BPIFB2: variants seen among roughly 807,000 people sequenced by gnomAD.
BPIFB2 encodes BPI fold-containing family B member 2.
BPIFB2 carries 39 observed loss-of-function variants against 50.1 expected under a neutral mutation model. That is an observed-to-expected ratio of 0.78 (90% CI 0.60 to 1.02). The LOEUF (loss-of-function observed/expected upper bound fraction) is 1.02. BPIFB2 is among the 50% of genes least tolerant of loss of function. The probability of loss-of-function intolerance (pLI) is 0.00; values close to 1 mark genes in which losing one functional copy is unlikely to be tolerated. For missense variants in BPIFB2, 574 were observed against 585.8 expected (o/e 0.98, Z 0.21); for synonymous variants, 280 against 256.3 (o/e 1.09, Z -0.88).
chr20:33,023,574 C>CTCCTCTT lies in BPIFB2; in HGVS notation c.*191_*192insTCCTCTT. 1 of 659,722 alleles carries CTCCTCTT rather than the reference C, an allele frequency of 1.5e-6. No individual in the cohort carries two copies. Among genetic ancestry groups the CTCCTCTT allele is most frequent in the South Asian group, 1.8e-5 (1 of 55,920 alleles). 40.9% of individuals were successfully genotyped at this position (659,722 alleles called of 1,614,324 possible). ...CCTCACTTCTGCCCTTTCCCTTCCT[C>CTCCTCTT]CTCCTCTTCTCCTCCCTCTTCCCTC... On this transcript the variant is annotated 3_prime_UTR_variant, in exon 16 of 16. Transcript: ENST00000170150.
chr20:33,018,347 CAA>C lies in BPIFB2; in HGVS notation c.667_668del (p.Asn223CysfsTer42). 6.2e-7 allele frequency: 1 copy of C among 1,612,110 alleles called. No homozygotes were observed. The highest frequency in any genetic ancestry group is 8.5e-7 in the Non-Finnish European group (1 of 1,178,222). On this transcript the variant is annotated frameshift_variant and splice_region_variant, in exon 8 of 16. Transcript: ENST00000170150. LOFTEE classifies it high-confidence loss of function. ...VTSDYISLEV[N>X]AVLFLLGKPI... ...CCAGTGACTACATTTCCCTGGAAGT[CAA>C]TGTAAGTGCCTCCTGGCCAGCCCAG...
At chr20:33,021,868 C>T in intron 15 of BPIFB2, 69 bp downstream of exon 15, 1 of 1,463,464 alleles carries the variant, frequency 6.8e-7, no homozygotes, top group Non-Finnish European at 9.6e-7. Flanking sequence ...TGGGGGTCAC[C>T]TCTCTCCCTC....
chr20:33,020,730 A>AAG, intron 13 of BPIFB2, 143 bp downstream of exon 13: 3 of 945,834 alleles, frequency 3.2e-6, no homozygotes, highest in Non-Finnish European at 4.6e-6. Flanking sequence ...CTGCTTGGGG[A>AAG]CAGTGGCCAG....
chr20:33,020,438 CT>C (rs748432981), intron 12 of BPIFB2, 43 bp downstream of exon 12: 14 of 1,609,634 alleles, frequency 8.7e-6, no homozygotes, highest in Non-Finnish European at 1.1e-5. Context: ...GTGTGTTCTT[CT>C]GTGCCATGGG....
chr20:33,019,410 G>A (rs1358608469), intron 10 of BPIFB2, among the ~76,000 whole-genome samples, 170 bp from the exon 11 acceptor site: 1 of 152,090 alleles, frequency 6.6e-6, no homozygotes, highest in Non-Finnish European at 1.5e-5. Context: ...CAACCCCCTC[G>A]TCTTGTCCAG....
chr20:33,020,238 G>C, intron 11 of BPIFB2, 90 bp from the exon 12 acceptor site: 1 of 1,296,230 alleles, frequency 7.7e-7, no homozygotes, highest in South Asian at 1.3e-5. Context: ...CCTGCTGCCT[G>C]AATGAGTCGG....
intron 10 of BPIFB2, among the ~76,000 whole-genome samples, 159 bp from the exon 11 acceptor site, chr20:33,019,421 C>T (rs1049606128): frequency 1.3e-5 from 2 of 152,258 alleles, no homozygotes; most frequent in Middle Eastern, 3.4e-3. Context: ...TCTTGTCCAG[C>T]GGCCTGTAAG....
chr20:33,019,246 TC>T, intron 10 of BPIFB2, 131 bp downstream of exon 10: 1 of 1,146,462 alleles, frequency 8.7e-7, no homozygotes, highest in Non-Finnish European at 1.3e-6. Flanking sequence ...AACCTACTCC[TC>T]CATCTTGGGG....
chr20:33,008,596 G>T lies in BPIFB2; in HGVS notation c.22G>T (p.Gly8Cys), dbSNP rs543048762. Reference protein sequence around the residue: MAWASRLGLLLALLLPVV... With the variant: MAWASRLCLLLALLLPVV... Reference sequence around the variant, plus strand: ...AGCCATGGCTTGGGCAAGTAGGCTGGGCCTGCTGCTGGCACTGCTGCTGCC... The same window carrying T: ...AGCCATGGCTTGGGCAAGTAGGCTGTGCCTGCTGCTGGCACTGCTGCTGCC... The change falls in exon 2 of 16, where the codon GGC becomes TGC. Residue 8 changes from glycine (G) to cysteine (C), a missense_variant. Physicochemically the swap from Gly to Cys is radical, Grantham distance 159. Coordinates refer to ENST00000170150, the MANE Select transcript of BPIFB2 (RefSeq NM_025227.3). 40 of 1,601,764 alleles carry T rather than the reference G, an allele frequency of 2.5e-5. No homozygotes were observed. The highest frequency in any genetic ancestry group is 3.2e-5 in the Non-Finnish European group (38 of 1,174,452).
intron 13 of BPIFB2, 113 bp from the exon 14 acceptor site, chr20:33,021,168 C>G (rs924798120): frequency 1.1e-5 from 13 of 1,173,856 alleles, no homozygotes; most frequent in Non-Finnish European, 1.5e-5. Flanking sequence ...TCAGCCTCTG[C>G]CATCCATCTG....
chr20:33,021,130 A>C (rs1042356825), intron 13 of BPIFB2, 151 bp from the exon 14 acceptor site: 7 of 840,082 alleles, frequency 8.3e-6, no homozygotes, highest in Non-Finnish European at 1.3e-5. Context: ...AACCCAGGAC[A>C]TGGGTGATCT....
chr20:33,023,635 G>T lies in BPIFB2; in HGVS notation c.*252G>T, dbSNP rs1214132482. On this transcript the variant is annotated 3_prime_UTR_variant, in exon 16 of 16. Transcript: ENST00000170150. ...TCCTTCCTCTGCCCCACCCCAGCGG[G>T]GAGCAGACTGCTCCTCCAGGCTGTA... 1.9e-5 allele frequency: 11 copies of T among 583,264 alleles called. No individual in the cohort carries two copies. The Admixed American group carries it at 2.6e-4, about 14-fold the overall frequency. The allele number at this position is 583,264 out of a possible 1,614,324, so 36.1% of individuals were successfully genotyped here. A position where few individuals can be genotyped will look rare whatever the true frequency, so the allele number is the denominator to read the frequency against.
chr20:33,023,414 C>T lies in BPIFB2; in HGVS notation c.*31C>T. 1 of 1,609,156 alleles carries T rather than the reference C, an allele frequency of 6.2e-7. No homozygotes were observed. The highest frequency in any genetic ancestry group is 8.5e-7 in the Non-Finnish European group (1 of 1,175,582). ...GACCACTGGGAGGCCTGAGAGTGGG[C>T]CAGCTCGCTGCTCAGGCGAATTTCT... On this transcript the variant is annotated 3_prime_UTR_variant, in exon 16 of 16. Coordinates refer to ENST00000170150, the MANE Select transcript of BPIFB2 (RefSeq NM_025227.3).
intron 3 of BPIFB2, among the ~76,000 whole-genome samples, chr20:33,011,454 G>A (rs139497639): frequency 0.026 from 4,009 of 152,290 alleles, 78 homozygotes; most frequent in Non-Finnish European, 0.042. Flanking sequence ...TCTAGAAACT[G>A]GATACTGAAT....
chr20:33,013,993 A>G, intron 5 of BPIFB2, 37 bp downstream of exon 5: 1 of 1,595,286 alleles, frequency 6.3e-7, no homozygotes, highest in Non-Finnish European at 8.6e-7. Flanking sequence ...CAGGAATCCC[A>G]GATGCCAAAG....
chr20:33,018,469 T>A, intron 8 of BPIFB2, 119 bp downstream of exon 8: 2 of 1,291,922 alleles, frequency 1.5e-6, no homozygotes, highest in Middle Eastern at 2.4e-4. Context: ...TGGAATAGTG[T>A]CCCAGCCGGG....
intron 7 of BPIFB2, 151 bp from the exon 8 acceptor site, chr20:33,018,108 A>G: frequency 1.7e-6 from 1 of 602,166 alleles, no homozygotes; most frequent in Non-Finnish European, 2.8e-6. Context: ...AAATTTGCTT[A>G]TTCAGAGGCT....
intron 5 of BPIFB2, 43 bp from the exon 6 acceptor site, chr20:33,015,393 T>A: frequency 1.3e-6 from 2 of 1,562,166 alleles, no homozygotes; most frequent in Non-Finnish European, 1.8e-6. Flanking sequence ...CGGGACTTAA[T>A]ATGTTTGGGA....
At chr20:33,008,728 C>A in intron 2 of BPIFB2, 45 bp downstream of exon 2, 2 of 1,466,824 alleles carry the variant, frequency 1.4e-6, no homozygotes, top group East Asian at 2.5e-5. Flanking sequence ...CCTGTACATG[C>A]GTGTGCAATC....
Sources: allele counts gnomAD v4.1 joint callset (sites outside exome capture counted in the v4.1 genomes callset), GRCh38; gene constraint gnomAD v4.1.1; transcripts MANE v1.5; gene names NCBI Gene and HGNC (gene_info 2026-07-23, HGNC 2026-07-21).